The following CENPP variants were observed in gnomAD, a reference collection of about 807,000 sequenced individuals.
CENPP encodes the protein centromere protein P.
A neutral mutation model predicts 35.6 loss-of-function variants in CENPP; 24 were observed. The ratio of observed to expected loss-of-function variants is 0.67; its 90% confidence interval spans 0.49 to 0.95. The LOEUF (loss-of-function observed/expected upper bound fraction) is 0.95, where lower values mean the gene tolerates loss of function less well. Ranked by LOEUF, CENPP falls within the 40% of genes least tolerant of loss-of-function variation. The probability of loss-of-function intolerance (pLI) is 0.00; values close to 1 mark genes in which losing one functional copy is unlikely to be tolerated. For missense variants in CENPP, 332 were observed against 345.3 expected (o/e 0.96, Z 0.31); for synonymous variants, 120 against 125.5 (o/e 0.96, Z 0.29).
At chr9:92,592,085 A>G (rs1422878220) in intron 5 of CENPP, among the ~76,000 whole-genome samples, 1 of 152,052 alleles carries the variant, frequency 6.6e-6, no homozygotes, top group Non-Finnish European at 1.5e-5. Flanking sequence ...GAGCATATAT[A>G]GACACATATA....
intron 5 of CENPP, among the ~76,000 whole-genome samples, chr9:92,607,806 G>C (rs1330959378): frequency 6.6e-6 from 1 of 152,158 alleles, no homozygotes; most frequent in Non-Finnish European, 1.5e-5. Context: ...TATTCCCTTT[G>C]GACTAGCATC....
rs6151074 is a variant in CENPP at position 92,416,058 on chromosome 9, G to GTGTGTGTATATATATA, written c.564+36200_564+36201insGTGTGTATATATATAT. Among the ~76,000 whole-genome samples the GTGTGTGTATATATATA allele has an allele frequency of 7.1e-4, 93 of 130,886 alleles. 1 individual carries two copies. Among genetic ancestry groups the GTGTGTGTATATATATA allele is most frequent in the Middle Eastern group, 8.1e-3 (2 of 248 alleles). The allele number at this position is 130,886 out of a possible 152,430, so 85.9% of individuals were successfully genotyped here. A position where few individuals can be genotyped will look rare whatever the true frequency, so the allele number is the denominator to read the frequency against. ...ATAAATAAATATATTATATATGTGT[G>GTGTGTGTATATATATA]TATATATATATATTTATTTATTTAT... On this transcript the variant is annotated intron_variant, in intron 5 of 7. Transcript: ENST00000375587.
chr9:92,413,783 T>G (rs1843509739), intron 5 of CENPP, among the ~76,000 whole-genome samples: 1 of 152,244 alleles, frequency 6.6e-6, no homozygotes, highest in African/African-American at 2.4e-5. Context: ...TTCTTCATAT[T>G]CATCCTGGAT....
At chr9:92,559,204 TA>T (rs1849793886) in intron 5 of CENPP, among the ~76,000 whole-genome samples, 1 of 152,178 alleles carries the variant, frequency 6.6e-6, no homozygotes, top group Non-Finnish European at 1.5e-5. Flanking sequence ...TGTGGAGTTT[TA>T]CCCCTGCTCC....
chr9:92,597,240 C>T (rs1471466748), intron 5 of CENPP, among the ~76,000 whole-genome samples: 1 of 151,992 alleles, frequency 6.6e-6, no homozygotes, highest in Non-Finnish European at 1.5e-5. Context: ...TTCATATGAC[C>T]ACTGTGAGGA....
At chr9:92,511,894 C>T (rs1847366752) in intron 5 of CENPP, 1 of 682,354 alleles carries the variant, frequency 1.5e-6, no homozygotes. Flanking sequence ...AGGAAACTTT[C>T]TTAGAAGAAG....
At chr9:92,588,233 T>TTTTG (rs757833460) in intron 5 of CENPP, among the ~76,000 whole-genome samples, 89 of 151,698 alleles carry the variant, frequency 5.9e-4, no homozygotes, top group Middle Eastern at 6.8e-3. Context: ...GCTGTGAGTT[T>TTTTG]TTTGTTTGTT....
At chr9:92,431,871 C>G (rs1408300618) in intron 5 of CENPP, among the ~76,000 whole-genome samples, 1 of 152,156 alleles carries the variant, frequency 6.6e-6, no homozygotes, top group Non-Finnish European at 1.5e-5. Flanking sequence ...CCATGCCTGG[C>G]CTTTACTCAT....
intron 3 of CENPP, among the ~76,000 whole-genome samples, chr9:92,340,951 A>G (rs1427317265): frequency 6.6e-6 from 1 of 152,114 alleles, no homozygotes; most frequent in Non-Finnish European, 1.5e-5. Flanking sequence ...ACAGAGCCAT[A>G]TTTCTCTTCT....
At chr9:92,449,437 CAAAAAAAAAAAAAAAAAAAAAAAAA>C (rs56218626) in intron 5 of CENPP, among the ~76,000 whole-genome samples, 39 of 54,960 alleles carry the variant, frequency 7.1e-4, no homozygotes, top group Admixed American at 1.1e-3. Context: ...ACTCTATCTC[CAAAAAAAAAAAAAAAAAAAAAAAAA>C]AAAAAAAAAA....
chr9:92,514,383 T>A (rs1382341779), intron 5 of CENPP, among the ~76,000 whole-genome samples: 2 of 151,396 alleles, frequency 1.3e-5, no homozygotes, highest in Non-Finnish European at 2.9e-5. Flanking sequence ...CAAACGATTC[T>A]CCTGCCTCGG....
At chr9:92,357,363 C>G (rs1297325937) in intron 4 of CENPP, among the ~76,000 whole-genome samples, 1 of 151,774 alleles carries the variant, frequency 6.6e-6, no homozygotes, top group Non-Finnish European at 1.5e-5. Flanking sequence ...ACTCCCTCAA[C>G]TTTTGTTTGC....
At chr9:92,326,953 C>T (rs1373539607) in intron 1 of CENPP, among the ~76,000 whole-genome samples, 1 of 152,116 alleles carries the variant, frequency 6.6e-6, no homozygotes. Flanking sequence ...AAAATGTCTG[C>T]GTGCGGTCAT....
chr9:92,614,035 G>A lies in CENPP; in HGVS notation c.*886G>A, dbSNP rs1383379848. ...CACAGCCCGGGCTGGTGGGAGCCAA[G>A]ACCAGACAGAGTGGGGGTCTCCATC... On this transcript the variant is annotated 3_prime_UTR_variant, in exon 8 of 8. Transcript: ENST00000375587. 1 of 152,284 alleles carries A rather than the reference G, an allele frequency of 6.6e-6. No homozygotes were observed. The highest frequency in any genetic ancestry group is 1.5e-5 in the Non-Finnish European group (1 of 68,124). 9.4% of individuals were successfully genotyped at this position (152,284 alleles called of 1,614,324 possible). A position where few individuals can be genotyped will look rare whatever the true frequency, so the allele number is the denominator to read the frequency against.
At chr9:92,573,575 C>T (rs1042217704) in intron 5 of CENPP, among the ~76,000 whole-genome samples, 6 of 152,182 alleles carry the variant, frequency 3.9e-5, no homozygotes, top group Admixed American at 2.0e-4. Context: ...GCGGTCTGTC[C>T]GTTCTCAGAT....
At position 92,384,116 on chromosome 9, in the gene CENPP, C is replaced by G. The variant is rs538489339; in HGVS notation, c.564+4257C>G. 1.3e-4 allele frequency: 20 copies of G among 152,162 alleles called. No individual in the cohort carries two copies. In the South Asian group the frequency reaches 3.7e-3, roughly 28 times the overall value. 9.4% of individuals were successfully genotyped at this position (152,162 alleles called of 1,614,324 possible). On this transcript the variant is annotated intron_variant, in intron 5 of 7. Transcript: ENST00000375587. Reference sequence around the variant, plus strand: ...AAGTCAGGGAAATGAGGCATGCACACAAAATAACGAGAAAGTAGTATAATA... The same window carrying G: ...AAGTCAGGGAAATGAGGCATGCACAGAAAATAACGAGAAAGTAGTATAATA...
chr9:92,389,997 A>C, intron 5 of CENPP: 1 of 1,610,460 alleles, frequency 6.2e-7, no homozygotes, highest in Non-Finnish European at 8.5e-7. Context: ...AGTTTTGAAA[A>C]AGTACCATCT....
At chr9:92,479,151 C>T (rs1466047556) in intron 5 of CENPP, among the ~76,000 whole-genome samples, 1 of 152,144 alleles carries the variant, frequency 6.6e-6, no homozygotes. Flanking sequence ...GCACACAGGG[C>T]AGGGAAGGCA....
At chr9:92,600,147 TTAATG>T (rs1190430221) in intron 5 of CENPP, 11 of 545,374 alleles carry the variant, frequency 2.0e-5, no homozygotes, top group Admixed American at 7.3e-5. Flanking sequence ...AAGTTTGCAT[TTAATG>T]TAATTTTCAC....
Sources: allele counts gnomAD v4.1 joint callset (sites outside exome capture counted in the v4.1 genomes callset), GRCh38; gene constraint gnomAD v4.1.1; transcripts MANE v1.5; gene names NCBI Gene and HGNC (gene_info 2026-07-23, HGNC 2026-07-21).